PDE3A: variants seen among roughly 807,000 people sequenced by gnomAD.
The protein encoded by PDE3A is phosphodiesterase 3A, also known as cGMP-inhibited 3',5'-cyclic phosphodiesterase 3A.
In PDE3A, 43 loss-of-function variants were observed where a neutral mutation model predicts 98.3. The ratio of observed to expected loss-of-function variants is 0.44; its 90% CI spans 0.34 to 0.56. PDE3A has a LOEUF of 0.56. PDE3A is among the 20% of genes least tolerant of loss of function. PDE3A has a pLI of 0.01. For synonymous variants in PDE3A, 663 were observed against 567.9 expected (o/e 1.17, Z -2.38); for missense variants, 1,427 against 1,440.7 (o/e 0.99, Z 0.15).
intron 1 of PDE3A, among the ~76,000 whole-genome samples, chr12:20,548,376 G>T (rs1228459726): frequency 6.6e-6 from 1 of 152,050 alleles, no homozygotes; most frequent in Admixed American, 6.6e-5. Context: ...TTATTAAAAT[G>T]TCATTACCCA....
At chr12:20,599,858 A>G (rs879515204) in intron 2 of PDE3A, among the ~76,000 whole-genome samples, 3 of 151,920 alleles carry the variant, frequency 2.0e-5, no homozygotes, top group Non-Finnish European at 2.9e-5. Context: ...ATTTATTGCA[A>G]TGTGGCTTGC....
chr12:20,613,375 A>AAATT (rs1943916158), intron 2 of PDE3A, 68 bp from the exon 3 acceptor site: 7 of 1,486,484 alleles, frequency 4.7e-6, no homozygotes, highest in Non-Finnish European at 6.5e-6. Flanking sequence ...GAAAAAGTCC[A>AAATT]AATTAATGCT....
intron 15 of PDE3A, among the ~76,000 whole-genome samples, chr12:20,678,602 C>G (rs111364695): frequency 0.025 from 3,739 of 152,316 alleles, 133 homozygotes; most frequent in African/African-American, 0.084. Context: ...GCGTTTGTCT[C>G]TGCCTCACCT....
chr12:20,518,683 G>A (rs1168297412), intron 1 of PDE3A, among the ~76,000 whole-genome samples: 2 of 152,036 alleles, frequency 1.3e-5, no homozygotes, highest in African/African-American at 2.4e-5. Flanking sequence ...CCTTTTGCAT[G>A]TAAAAGAGAA....
intron 12 of PDE3A, among the ~76,000 whole-genome samples, chr12:20,648,402 G>GA (rs898492403): frequency 6.6e-6 from 1 of 150,920 alleles, no homozygotes; most frequent in Non-Finnish European, 1.5e-5. Context: ...GAAATCTAAA[G>GA]AAAAAATCTT....
intron 1 of PDE3A, among the ~76,000 whole-genome samples, chr12:20,480,367 T>A (rs1337251648): frequency 6.6e-6 from 1 of 152,220 alleles, no homozygotes; most frequent in Admixed American, 6.5e-5. Context: ...CTTTTAAACT[T>A]ATTTCCATTA....
intron 1 of PDE3A, among the ~76,000 whole-genome samples, chr12:20,510,943 A>T (rs950681780): frequency 1.3e-5 from 2 of 152,064 alleles, no homozygotes; most frequent in African/African-American, 2.4e-5. Context: ...GACTAGAAGA[A>T]GCAACCAAAA....
chr12:20,395,746 T>C (rs1450610671), intron 1 of PDE3A, among the ~76,000 whole-genome samples: 2 of 149,974 alleles, frequency 1.3e-5, no homozygotes, highest in Non-Finnish European at 3.0e-5. Flanking sequence ...AACTAGAAAA[T>C]AATATTTGAC....
At chr12:20,528,215 A>T (rs554356227) in intron 1 of PDE3A, among the ~76,000 whole-genome samples, 1 of 152,178 alleles carries the variant, frequency 6.6e-6, no homozygotes, top group Non-Finnish European at 1.5e-5. Context: ...TGTCACACTG[A>T]TTTGCATTTG....
intron 14 of PDE3A, among the ~76,000 whole-genome samples, chr12:20,651,767 A>AT (rs1555106627): frequency 1.3e-5 from 2 of 151,536 alleles, no homozygotes; most frequent in African/African-American, 2.4e-5. Flanking sequence ...AGAATGAAAG[A>AT]TTTTTTTTAT....
chr12:20,522,347 G>T (rs919341503), intron 1 of PDE3A, among the ~76,000 whole-genome samples: 3 of 152,138 alleles, frequency 2.0e-5, no homozygotes, highest in Non-Finnish European at 4.4e-5. Flanking sequence ...TCAAGTCCCC[G>T]GCCTAGACCT....
chr12:20,677,946 T>A (rs1173940571), intron 15 of PDE3A, among the ~76,000 whole-genome samples: 1 of 151,166 alleles, frequency 6.6e-6, no homozygotes. Context: ...TTGTAAAATT[T>A]TGCTGGGGAC....
At chr12:20,585,319 A>G (rs944682606) in intron 2 of PDE3A, among the ~76,000 whole-genome samples, 5 of 152,162 alleles carry the variant, frequency 3.3e-5, no homozygotes, top group Non-Finnish European at 5.9e-5. Context: ...CTTAGCCCAG[A>G]GTTGGTATTT....
At chr12:20,518,776 T>TA (rs1427241809) in intron 1 of PDE3A, among the ~76,000 whole-genome samples, 1 of 152,150 alleles carries the variant, frequency 6.6e-6, no homozygotes, top group African/African-American at 2.4e-5. Flanking sequence ...CAGATTTTTT[T>TA]AAAAAAGACT....
At chr12:20,448,723 G>A (rs10841533) in intron 1 of PDE3A, among the ~76,000 whole-genome samples, 39,208 of 146,810 alleles carry the variant, frequency 0.27, 6,768 homozygotes, top group East Asian at 0.65. Context: ...GGTAACCTGC[G>A]TTACATTATT....
At chr12:20,535,847 A>G (rs1941736114) in intron 1 of PDE3A, among the ~76,000 whole-genome samples, 1 of 152,168 alleles carries the variant, frequency 6.6e-6, no homozygotes, top group Non-Finnish European at 1.5e-5. Context: ...AATATGTTTT[A>G]TACATATTAA....
chr12:20,527,043 C>T (rs1046983251), intron 1 of PDE3A, among the ~76,000 whole-genome samples: 2 of 151,628 alleles, frequency 1.3e-5, no homozygotes, highest in Non-Finnish European at 2.9e-5. Flanking sequence ...CTCAGCCTCC[C>T]GAGTAGCTAG....
intron 15 of PDE3A, among the ~76,000 whole-genome samples, chr12:20,669,135 G>A (rs937421286): frequency 6.6e-6 from 1 of 151,954 alleles, no homozygotes; most frequent in Non-Finnish European, 1.5e-5. Context: ...GAAGCGAGAA[G>A]GGAAGTGTAG....
intron 1 of PDE3A, among the ~76,000 whole-genome samples, chr12:20,462,116 T>C (rs927408830): frequency 6.6e-6 from 1 of 152,186 alleles, no homozygotes; most frequent in East Asian, 1.9e-4. Flanking sequence ...GTTGAAAATA[T>C]GAGAAAAGTG....
Sources: gnomAD v4.1 joint callset for allele counts (sites outside exome capture counted in the v4.1 genomes callset) on GRCh38, gnomAD v4.1.1 for gene constraint, MANE v1.5 for transcripts, NCBI Gene and HGNC (gene_info 2026-07-23, HGNC 2026-07-21) for gene names.